The following LOXL2 variants were observed in gnomAD, a reference collection of about 807,000 sequenced individuals.
LOXL2 encodes the protein lysyl oxidase homolog 2.
Under a neutral mutation model 93.0 loss-of-function variants are expected in LOXL2, and 70 were observed. That is an observed-to-expected ratio of 0.75 (90% CI 0.62 to 0.92). The LOEUF is 0.92. Among genes scored for constraint, LOXL2 ranks in the 40% least tolerant of loss-of-function variants. LOXL2 has a pLI of 0.00. For missense variants in LOXL2, 973 were observed against 1,054.9 expected, an observed-to-expected ratio of 0.92 and a Z score of 1.08; for synonymous variants, 438 against 413.2, an observed-to-expected ratio of 1.06 and a Z score of -0.73.
At chr8:23,302,802 TGTG>T (rs1203076711) in intron 11 of LOXL2, among the ~76,000 whole-genome samples, 4 of 151,944 alleles carry the variant, frequency 2.6e-5, no homozygotes, top group Admixed American at 6.6e-5. Context: ...ACAGGGCAGG[TGTG>T]GTGACCTACC....
intron 1 of LOXL2, among the ~76,000 whole-genome samples, chr8:23,376,043 T>C (rs985364334): frequency 2.0e-5 from 3 of 152,172 alleles, no homozygotes; most frequent in Non-Finnish European, 4.4e-5. Flanking sequence ...GCTTCCAGTT[T>C]TTGCCCATTC....
At chr8:23,348,818 A>G (rs528196959) in intron 3 of LOXL2, among the ~76,000 whole-genome samples, 1 of 152,152 alleles carries the variant, frequency 6.6e-6, no homozygotes, top group South Asian at 2.1e-4. Flanking sequence ...CGGAGCTTGC[A>G]GTGAGCTGAG....
intron 4 of LOXL2, chr8:23,336,790 C>T (rs1438933768): frequency 1.3e-5 from 2 of 152,140 alleles, no homozygotes; most frequent in Non-Finnish European, 2.9e-5. Context: ...ACTGTCAGCT[C>T]AGAACCAGTG....
intron 8 of LOXL2, among the ~76,000 whole-genome samples, chr8:23,319,393 C>G (rs1049061067): frequency 2.0e-5 from 3 of 151,750 alleles, no homozygotes; most frequent in African/African-American, 7.3e-5. Flanking sequence ...TTGGAGATTC[C>G]CTAGCGTGTC....
chr8:23,332,321 CACAT>C (rs1376550547), intron 5 of LOXL2, among the ~76,000 whole-genome samples: 1 of 106,388 alleles, frequency 9.4e-6, no homozygotes, highest in Non-Finnish European at 1.9e-5. Flanking sequence ...ACCCCCTACA[CACAT>C]ACACAACCCC....
intron 1 of LOXL2, among the ~76,000 whole-genome samples, chr8:23,380,917 G>T (rs1354530875): frequency 6.6e-6 from 1 of 152,134 alleles, no homozygotes; most frequent in East Asian, 1.9e-4. Flanking sequence ...GGAGGCTGAG[G>T]CAAAATAATT....
intron 1 of LOXL2, among the ~76,000 whole-genome samples, chr8:23,375,806 T>G (rs1424306696): frequency 6.6e-6 from 1 of 152,252 alleles, no homozygotes; most frequent in East Asian, 1.9e-4. Context: ...GAGACTTTGC[T>G]GAAGTTGCTT....
Position 23,359,747 on chromosome 8 carries a change from C to T in LOXL2, c.531+343G>A, listed in dbSNP as rs1040265284. On this transcript the variant is annotated intron_variant, in intron 3 of 13. Transcript: ENST00000389131. The stretch of plus-strand genomic sequence containing the variant: ...ATTTTCCCACCCAAAGGGCAAGCTC[C>T]TGAGCATGGCACCGGAGGTGTTTCA... Among the ~76,000 whole-genome samples the T allele has an allele frequency of 2.6e-5, 4 of 152,256 alleles. No homozygotes were observed. The East Asian group carries it at 7.7e-4, about 29-fold the overall frequency.
intron 3 of LOXL2, among the ~76,000 whole-genome samples, chr8:23,359,152 C>T (rs1344210755): frequency 6.6e-6 from 1 of 152,098 alleles, no homozygotes; most frequent in African/African-American, 2.4e-5. Flanking sequence ...GCGCCCGACC[C>T]AGTACCTGCA....
At chr8:23,347,564 C>T (rs546204559) in intron 3 of LOXL2, among the ~76,000 whole-genome samples, 5 of 152,222 alleles carry the variant, frequency 3.3e-5, no homozygotes, top group Admixed American at 6.5e-5. Context: ...GCAGGAAAAT[C>T]GCTTGAACCC....
At chr8:23,361,868 CA>C (rs112154106) in intron 2 of LOXL2, among the ~76,000 whole-genome samples, 26,185 of 149,634 alleles carry the variant, frequency 0.17, 2,589 homozygotes, top group Middle Eastern at 0.27. Context: ...ACAAAACAAA[CA>C]AAAAAAACAG....
rs368182403 is a variant in LOXL2, at chr8:23,383,817, C to T, written c.-83-15383G>A. ...CTGGGACTACAGGCGCCCGCCACCA[C>T]GCCCGGCTAATTTTTTGTATTTTTA... On this transcript the variant is annotated intron_variant, in intron 1 of 13. Transcript: ENST00000389131. Among the ~76,000 whole-genome samples the T allele has an allele frequency of 8.3e-4, 126 of 151,760 alleles. 2 individuals carry two copies. The East Asian group carries it at 0.02, about 24-fold the overall frequency.
At chr8:23,317,932 A>G (rs974561388) in intron 8 of LOXL2, among the ~76,000 whole-genome samples, 2 of 151,432 alleles carry the variant, frequency 1.3e-5, no homozygotes, top group Non-Finnish European at 2.9e-5. Context: ...GAGACAGACC[A>G]TCAGGATAGG....
chr8:23,400,596 A>T (rs1400445357), intron 1 of LOXL2, among the ~76,000 whole-genome samples: 3 of 152,172 alleles, frequency 2.0e-5, no homozygotes, highest in Non-Finnish European at 2.9e-5. Flanking sequence ...TGCATAAACT[A>T]AGGGCTTCAA....
intron 6 of LOXL2, 119 bp downstream of exon 6, chr8:23,328,263 C>CA: frequency 9.5e-7 from 1 of 1,047,220 alleles, no homozygotes; most frequent in Non-Finnish European, 1.4e-6. Context: ...TCCCAGGCAG[C>CA]CACTAAAGGG....
At chr8:23,365,669 C>G (rs997149158) in intron 2 of LOXL2, 9 of 152,326 alleles carry the variant, frequency 5.9e-5, no homozygotes, top group African/African-American at 2.2e-4. Flanking sequence ...TGTCCTCCAT[C>G]CTGCTCCAGC....
rs763406907 is a variant in LOXL2, at chr8:23,333,641, G to A, written c.744-18C>T. ...CAAACATTCTGCAGACGATGGGAGGGGACAGGGGACCAGGGCATCATGACG... is the reference window on the plus strand; with the variant it reads ...CAAACATTCTGCAGACGATGGGAGGAGACAGGGGACCAGGGCATCATGACG... On this transcript the variant is annotated intron_variant, in intron 4 of 13. Coordinates refer to ENST00000389131, the MANE Select transcript of LOXL2 (RefSeq NM_002318.3). 1.3e-6 allele frequency: 2 copies of A among 1,597,610 alleles called. No homozygotes were observed. The highest frequency in any genetic ancestry group is 2.2e-5 in the South Asian group (2 of 90,706).
intron 9 of LOXL2, among the ~76,000 whole-genome samples, chr8:23,314,770 G>A (rs1041290735): frequency 9.9e-5 from 15 of 150,832 alleles, no homozygotes; most frequent in Admixed American, 7.9e-4. Context: ...TTGTGCACAT[G>A]TACCTTAAAA....
intron 3 of LOXL2, among the ~76,000 whole-genome samples, chr8:23,344,169 G>A (rs1441404896): frequency 1.3e-5 from 2 of 152,230 alleles, no homozygotes; most frequent in African/African-American, 4.8e-5. Flanking sequence ...AACGCCAAGG[G>A]AGCTTGCTCT....
Sources: allele counts gnomAD v4.1 joint callset (sites outside exome capture counted in the v4.1 genomes callset), GRCh38; gene constraint gnomAD v4.1.1; transcripts MANE v1.5; gene names NCBI Gene and HGNC (gene_info 2026-07-23, HGNC 2026-07-21).